CGNL1: variants seen among roughly 807,000 people sequenced by gnomAD.
The protein encoded by CGNL1 is cingulin like 1.
A neutral mutation model predicts 141.2 loss-of-function variants in CGNL1; 132 were observed. The observed-to-expected ratio is 0.93, with a 90% confidence interval of 0.81 to 1.08. CGNL1 has a LOEUF of 1.08. Among genes scored for constraint, CGNL1 ranks in the 50% least tolerant of loss-of-function variants. The pLI is 0.00. For synonymous variants in CGNL1, 690 were observed against 622.1 expected (o/e 1.11, Z -1.63); for missense variants, 1,870 against 1,588.6 (o/e 1.18, Z -3.01).
chr15:57,423,590 C>T, intron 1 of CGNL1, among the ~76,000 whole-genome samples: 1 of 152,226 alleles, frequency 6.6e-6, no homozygotes, highest in East Asian at 1.9e-4. Context: ...TGCATCCCGT[C>T]TTGTGCAATG....
Position 57,421,103 on chromosome 15 carries a change from AGT to A in CGNL1, c.-15-16880_-15-16879del, listed in dbSNP as rs377373395. ...TTATTGGCTTTATAAGAAGAGGAAG[AGT>A]GAGAGAGATTATCTGTGTGCTCTTA... On this transcript the variant is annotated intron_variant, in intron 1 of 18. Transcript: ENST00000281282. Among the ~76,000 whole-genome samples the A allele has an allele frequency of 7.1e-4, 108 of 152,296 alleles. 2 individuals are homozygous for A. In the South Asian group the frequency reaches 0.021, roughly 30 times the overall value.
intron 3 of CGNL1, among the ~76,000 whole-genome samples, chr15:57,441,366 A>T (rs1417780666): frequency 1.3e-5 from 2 of 151,804 alleles, no homozygotes; most frequent in African/African-American, 4.8e-5. Context: ...TTTAAAATTC[A>T]TTATTTTTTT....
At chr15:57,381,583 A>T (rs1002982809) in intron 1 of CGNL1, among the ~76,000 whole-genome samples, 2 of 152,010 alleles carry the variant, frequency 1.3e-5, no homozygotes, top group African/African-American at 4.8e-5. Flanking sequence ...CAAAAATAAA[A>T]TGGCAGAGTT....
intron 14 of CGNL1, among the ~76,000 whole-genome samples, chr15:57,534,270 G>A (rs1377927541): frequency 6.6e-6 from 1 of 152,214 alleles, no homozygotes; most frequent in Non-Finnish European, 1.5e-5. Context: ...GAGATAGGGA[G>A]GGTATAGCCT....
At chr15:57,521,934 T>C (rs1480354001) in intron 10 of CGNL1, among the ~76,000 whole-genome samples, 1 of 152,146 alleles carries the variant, frequency 6.6e-6, no homozygotes, top group African/African-American at 2.4e-5. Flanking sequence ...TTTTCACAGA[T>C]TGACGTTTTT....
At position 57,449,463 on chromosome 15, in the gene CGNL1, C is replaced by T. The variant is rs114756996; in HGVS notation, c.1804-2037C>T. ...TTGAGTGGAAAGTGCAGACAGTTCC[C>T]GTTTACTGTCCTGTCCCCACATACG... On this transcript the variant is annotated intron_variant, in intron 4 of 18. Transcript: ENST00000281282. 5.4e-3 allele frequency among the ~76,000 whole-genome samples: 818 copies of T among 152,252 alleles called. 8 individuals carry two copies. Among genetic ancestry groups the T allele is most frequent in the African/African-American group, 0.019 (775 of 41,544 alleles).
intron 8 of CGNL1, among the ~76,000 whole-genome samples, chr15:57,489,488 G>C (rs2063828955): frequency 6.6e-6 from 1 of 152,174 alleles, no homozygotes; most frequent in African/African-American, 2.4e-5. Flanking sequence ...CTAATGGATA[G>C]AAAATAGACA....
intron 1 of CGNL1, among the ~76,000 whole-genome samples, chr15:57,383,159 G>T (rs1179894662): frequency 2.6e-5 from 4 of 152,252 alleles, no homozygotes; most frequent in Admixed American, 2.6e-4. Flanking sequence ...CACTTAGAGT[G>T]GTGATTACTG....
chr15:57,490,674 C>T (rs1472657844), intron 8 of CGNL1, among the ~76,000 whole-genome samples: 3 of 152,186 alleles, frequency 2.0e-5, no homozygotes, highest in Admixed American at 1.3e-4. Flanking sequence ...TAGGGGCTCA[C>T]ACCCCATTCT....
At chr15:57,440,556 C>T in intron 3 of CGNL1, 85 bp downstream of exon 3, 1 of 1,034,512 alleles carries the variant, frequency 9.7e-7, no homozygotes, top group Non-Finnish European at 1.5e-6. Flanking sequence ...TTAATGGTTA[C>T]CTTCCTTTCT....
At chr15:57,475,492 G>GGTGTGTGTGTGTGT (rs72168222) in intron 8 of CGNL1, among the ~76,000 whole-genome samples, 12 of 147,920 alleles carry the variant, frequency 8.1e-5, no homozygotes, top group African/African-American at 2.8e-4. Flanking sequence ...ATACAAGTGT[G>GGTGTGTGTGTGTGT]GTGTGTGTGT....
At chr15:57,449,378 C>T (rs1402078403) in intron 4 of CGNL1, among the ~76,000 whole-genome samples, 1 of 152,176 alleles carries the variant, frequency 6.6e-6, no homozygotes, top group East Asian at 1.9e-4. Flanking sequence ...ACTCTGGACA[C>T]TTTTCTCACT....
intron 8 of CGNL1, among the ~76,000 whole-genome samples, chr15:57,509,158 C>G (rs2029995913): frequency 6.6e-6 from 1 of 152,126 alleles, no homozygotes; most frequent in Non-Finnish European, 1.5e-5. Flanking sequence ...GGTGAGAAGA[C>G]AGTAATTTCC....
chr15:57,392,673 A>G lies in CGNL1; in HGVS notation c.-16+16106A>G, dbSNP rs867030462. On this transcript the variant is annotated intron_variant, in intron 1 of 18. Transcript: ENST00000281282. ...CATCATCTGTCTCCTACTGAAGGCT[A>G]TTGTCCCAGGATCTGGATAATAAAG... Among the ~76,000 whole-genome samples, 6 of 152,284 alleles carry G rather than the reference A, an allele frequency of 3.9e-5. No individual in the cohort carries two copies. The East Asian group carries it at 7.7e-4, about 20-fold the overall frequency.
rs1433718911 is a variant in CGNL1, at chr15:57,395,198, T to A, written c.-16+18631T>A. ...TGAACTGCATTAAAAGATAGTAAAT[T>A]TAGCTAGTCAACTTGAATAACTTTT... On this transcript the variant is annotated intron_variant, in intron 1 of 18. Transcript: ENST00000281282. Among the ~76,000 whole-genome samples the A allele has an allele frequency of 7.2e-5, 11 of 152,334 alleles. No individual in the cohort carries two copies. In the East Asian group the frequency reaches 2.1e-3, roughly 29 times the overall value.
intron 4 of CGNL1, among the ~76,000 whole-genome samples, chr15:57,444,113 C>T (rs1232006198): frequency 6.6e-6 from 1 of 152,192 alleles, no homozygotes; most frequent in Admixed American, 6.5e-5. Flanking sequence ...CAGTTACACC[C>T]CATTCTTCTG....
intron 7 of CGNL1, among the ~76,000 whole-genome samples, chr15:57,456,540 T>C (rs1595723430): frequency 6.8e-6 from 1 of 147,286 alleles, no homozygotes; most frequent in Non-Finnish European, 1.5e-5. Flanking sequence ...AAGGGAGAAA[T>C]AGTAGAAAAC....
intron 1 of CGNL1, among the ~76,000 whole-genome samples, chr15:57,399,100 G>C (rs1049050199): frequency 5.3e-5 from 8 of 152,160 alleles, no homozygotes; most frequent in African/African-American, 1.7e-4. Context: ...TGCTCAGAGA[G>C]GTGGAGGAGG....
chr15:57,529,937 T>C (rs1290481655), intron 13 of CGNL1, among the ~76,000 whole-genome samples: 2 of 152,250 alleles, frequency 1.3e-5, no homozygotes, highest in African/African-American at 4.8e-5. Context: ...ATTGCTCTTT[T>C]GTTGGACTGC....
Sources: allele counts gnomAD v4.1 joint callset (sites outside exome capture counted in the v4.1 genomes callset), GRCh38; gene constraint gnomAD v4.1.1; transcripts MANE v1.5; gene names NCBI Gene and HGNC (gene_info 2026-07-23, HGNC 2026-07-21).